GRIA3: variants seen among roughly 807,000 people sequenced by gnomAD.
GRIA3 encodes the protein glutamate ionotropic receptor AMPA type subunit 3.
Under a neutral mutation model 63.0 loss-of-function variants are expected in GRIA3, and 3 were observed. The ratio of observed to expected loss-of-function variants is 0.05; its 90% CI spans 0.02 to 0.12. GRIA3 has a LOEUF of 0.12. Ranked by LOEUF, GRIA3 falls within the 10% of genes least tolerant of loss-of-function variation. The pLI, the probability that GRIA3 is intolerant of heterozygous loss-of-function variation, is 1.00. For missense variants in GRIA3, 347 were observed against 700.9 expected (o/e 0.50, Z 5.70); for synonymous variants, 274 against 257.9 (o/e 1.06, Z -0.60).
intron 4 of GRIA3, among the ~76,000 whole-genome samples, chrX:123,345,439 A>AACAC (rs59142587): frequency 0.037 from 2,435 of 65,841 alleles, 61 homozygotes; most frequent in African/African-American, 0.045. Context: ...CCCCCTTCAC[A>AACAC]ACACACACAC....
intron 15 of GRIA3, among the ~76,000 whole-genome samples, chrX:123,485,672 C>T (rs1215970650): frequency 1.8e-5 from 2 of 111,703 alleles, no homozygotes; most frequent in African/African-American, 6.5e-5. Flanking sequence ...CTCCTACTTT[C>T]CCCAGAAAGA....
chrX:123,327,562 T>G (rs1466215001), intron 4 of GRIA3, among the ~76,000 whole-genome samples: 3 of 109,625 alleles, frequency 2.7e-5, no homozygotes, highest in Non-Finnish European at 5.7e-5. Context: ...TATGCCCCCA[T>G]AAGAAGAGAA....
chrX:123,338,159 C>A (rs1448665841), intron 4 of GRIA3, among the ~76,000 whole-genome samples: 3 of 112,029 alleles, frequency 2.7e-5, no homozygotes, highest in African/African-American at 9.8e-5. Flanking sequence ...GGCAGCAGGC[C>A]CAGCCCTGCA....
intron 2 of GRIA3, 55 bp from the exon 3 acceptor site, chrX:123,253,248 G>C (rs1471363565): frequency 5.9e-6 from 7 of 1,189,098 alleles, no homozygotes; most frequent in Non-Finnish European, 8.0e-6. Flanking sequence ...AACCCTACAA[G>C]TTGCAGCAAA....
chrX:123,325,707 G>T (rs911583254), intron 3 of GRIA3, among the ~76,000 whole-genome samples: 1 of 111,981 alleles, frequency 8.9e-6, no homozygotes, highest in East Asian at 2.8e-4. Flanking sequence ...GCAGGCAGTT[G>T]TAAGAAGTTC....
intron 3 of GRIA3, among the ~76,000 whole-genome samples, chrX:123,283,508 G>A (rs1246439168): frequency 9.0e-6 from 1 of 111,596 alleles, no homozygotes; most frequent in Admixed American, 9.5e-5. Flanking sequence ...TGAAATTCTC[G>A]CTGCCAGCAC....
intron 3 of GRIA3, 160 bp downstream of exon 3, chrX:123,253,702 AG>A: frequency 1.9e-6 from 1 of 518,151 alleles, no homozygotes; most frequent in Non-Finnish European, 3.1e-6. Flanking sequence ...AAAAAATAAA[AG>A]TAATAGTAAT....
chrX:123,386,471 A>G (rs1001971516), intron 5 of GRIA3, among the ~76,000 whole-genome samples: 1 of 111,255 alleles, frequency 9.0e-6, no homozygotes, highest in East Asian at 2.8e-4. Context: ...ATATAGTCTC[A>G]CTTGTCTGTT....
At chrX:123,184,693 A>T (rs1350760211) in intron 1 of GRIA3, 49 bp downstream of exon 1, 1 of 842,608 alleles carries the variant, frequency 1.2e-6, no homozygotes, top group Non-Finnish European at 1.7e-6. Context: ...CTCACCCGAG[A>T]CCACTGCCCC....
chrX:123,306,106 T>G (rs753736612), intron 3 of GRIA3, among the ~76,000 whole-genome samples: 2 of 112,315 alleles, frequency 1.8e-5, no homozygotes, highest in Admixed American at 1.9e-4. Flanking sequence ...GAGCTTAAGT[T>G]CTTTTCTTAT....
chrX:123,377,534 C>A (rs1439385342), intron 5 of GRIA3, among the ~76,000 whole-genome samples: 1 of 112,349 alleles, frequency 8.9e-6, no homozygotes, highest in Non-Finnish European at 1.9e-5. Context: ...TTAAAATTAT[C>A]TCTGTAACAT....
intron 5 of GRIA3, among the ~76,000 whole-genome samples, chrX:123,374,128 C>A (rs2045268433): frequency 9.0e-6 from 1 of 111,689 alleles, no homozygotes; most frequent in South Asian, 3.8e-4. Flanking sequence ...TTTCCCATTT[C>A]TTGATTTTGT....
At chrX:123,375,200 G>A (rs1767854750) in intron 5 of GRIA3, among the ~76,000 whole-genome samples, 1 of 111,680 alleles carries the variant, frequency 9.0e-6, no homozygotes, top group African/African-American at 3.3e-5. Flanking sequence ...TGATCATATG[G>A]TTTTTGTCCT....
intron 12 of GRIA3, among the ~76,000 whole-genome samples, chrX:123,442,939 G>A (rs1347773709): frequency 9.1e-6 from 1 of 109,905 alleles, no homozygotes; most frequent in Non-Finnish European, 1.9e-5. Flanking sequence ...TGTCTGACAT[G>A]AAGTGGTGTC....
chrX:123,186,972 T>G (rs1336213621), intron 2 of GRIA3, among the ~76,000 whole-genome samples: 1 of 112,518 alleles, frequency 8.9e-6, no homozygotes, highest in East Asian at 2.8e-4. Flanking sequence ...ATGGAATGTT[T>G]CGTGAGAAAG....
intron 4 of GRIA3, among the ~76,000 whole-genome samples, chrX:123,342,154 A>G (rs979331467): frequency 8.9e-5 from 10 of 112,324 alleles, no homozygotes; most frequent in Non-Finnish European, 1.5e-4. Context: ...TTGTTATACA[A>G]CATTAACTAT....
intron 2 of GRIA3, among the ~76,000 whole-genome samples, chrX:123,219,638 G>C (rs1641700502): frequency 8.9e-6 from 1 of 111,806 alleles, no homozygotes; most frequent in Non-Finnish European, 1.9e-5. Context: ...ACTACACCTT[G>C]TCCTGGATGC....
At chrX:123,404,994 G>A (rs1166155810) in intron 10 of GRIA3, 80 bp downstream of exon 10, 3 of 716,791 alleles carry the variant, frequency 4.2e-6, no homozygotes, top group Admixed American at 2.2e-5. Flanking sequence ...ATTTTCAAGT[G>A]CAGTGTTTAT....
intron 3 of GRIA3, among the ~76,000 whole-genome samples, chrX:123,263,320 G>A (rs1281853529): frequency 8.9e-6 from 1 of 111,949 alleles, no homozygotes; most frequent in African/African-American, 3.2e-5. Flanking sequence ...GAGGAAAGAG[G>A]GGGCACACAT....
Sources: gnomAD v4.1 joint callset for allele counts (sites outside exome capture counted in the v4.1 genomes callset) on GRCh38, gnomAD v4.1.1 for gene constraint, MANE v1.5 for transcripts, NCBI Gene and HGNC (gene_info 2026-07-23, HGNC 2026-07-21) for gene names.